Variants in RPS6KA2 observed in about 807,000 individuals in gnomAD.
RPS6KA2 encodes ribosomal protein S6 kinase alpha-2.
RPS6KA2 carries 42 observed loss-of-function variants against 91.8 expected under a neutral mutation model. The observed-to-expected ratio is 0.46, with a 90% CI of 0.36 to 0.59. The LOEUF is 0.59. Among genes scored for constraint, RPS6KA2 ranks in the 20% least tolerant of loss-of-function variants. The probability of loss-of-function intolerance (pLI) is 0.00; values close to 1 mark genes in which losing one functional copy is unlikely to be tolerated. For missense variants in RPS6KA2, 798 were observed against 978.5 expected, an observed-to-expected ratio of 0.82 and a Z score of 2.46; for synonymous variants, 414 against 393.6, an observed-to-expected ratio of 1.05 and a Z score of -0.61.
intron 2 of RPS6KA2, among the ~76,000 whole-genome samples, chr6:166,759,889 G>A (rs1034307173): frequency 6.6e-6 from 1 of 152,206 alleles, no homozygotes; most frequent in East Asian, 1.9e-4. Flanking sequence ...TTTGTGCTTG[G>A]TGAAGCCCTA....
At chr6:166,474,016 G>A (rs1184397679) in intron 10 of RPS6KA2, among the ~76,000 whole-genome samples, 1 of 142,314 alleles carries the variant, frequency 7.0e-6, no homozygotes, top group Admixed American at 7.6e-5. Flanking sequence ...GGAGTCGCTC[G>A]TGTCCCACAG....
chr6:166,691,339 C>T (rs558431868), intron 2 of RPS6KA2, among the ~76,000 whole-genome samples: 6 of 152,242 alleles, frequency 3.9e-5, no homozygotes, highest in Admixed American at 6.5e-5. Context: ...ACCTTCAAAA[C>T]GATTTCCTGC....
chr6:166,745,954 G>A (rs923768255), intron 2 of RPS6KA2, among the ~76,000 whole-genome samples: 10 of 152,236 alleles, frequency 6.6e-5, no homozygotes, highest in African/African-American at 1.9e-4. Context: ...GTTGCCCAGT[G>A]AGGACATGAG....
chr6:166,710,425 AGTGT>A (rs374185222), intron 2 of RPS6KA2, among the ~76,000 whole-genome samples: 3 of 150,864 alleles, frequency 2.0e-5, no homozygotes, highest in African/African-American at 7.3e-5. Flanking sequence ...TGCATGCACG[AGTGT>A]GTGTGTGTAT....
At chr6:166,499,608 G>C (rs921616889) in intron 7 of RPS6KA2, among the ~76,000 whole-genome samples, 4 of 152,174 alleles carry the variant, frequency 2.6e-5, no homozygotes, top group Non-Finnish European at 5.9e-5. Flanking sequence ...CTCTCTCTTT[G>C]CCTGCTGCCA....
At chr6:166,634,042 G>A (rs12199983) in intron 2 of RPS6KA2, among the ~76,000 whole-genome samples, 17,560 of 152,190 alleles carry the variant, frequency 0.12, 1,205 homozygotes, top group Non-Finnish European at 0.16. Context: ...GGCAGAGTGT[G>A]GGCTCAGGGC....
intron 2 of RPS6KA2, among the ~76,000 whole-genome samples, chr6:166,647,810 ACACATGCTCACACACATG>A (rs1297001034): frequency 1.5e-5 from 2 of 132,900 alleles, no homozygotes; most frequent in Non-Finnish European, 3.5e-5. Flanking sequence ...ACATACATAC[ACACATGCTCACACACATG>A]CACATGCTCA....
At chr6:166,812,935 T>C (rs1379321007) in intron 2 of RPS6KA2, among the ~76,000 whole-genome samples, 6 of 152,222 alleles carry the variant, frequency 3.9e-5, no homozygotes, top group Non-Finnish European at 2.9e-5. Flanking sequence ...CAGCTCTCAC[T>C]GAAAATAATG....
intron 2 of RPS6KA2, among the ~76,000 whole-genome samples, chr6:166,750,320 C>T (rs370383531): frequency 1.3e-5 from 2 of 152,140 alleles, no homozygotes; most frequent in African/African-American, 4.8e-5. Flanking sequence ...CCTAGAGGTC[C>T]CTGGGATTCC....
chr6:166,815,543 T>G (rs1779739626), intron 2 of RPS6KA2, among the ~76,000 whole-genome samples: 1 of 152,158 alleles, frequency 6.6e-6, no homozygotes, highest in Non-Finnish European at 1.5e-5. Context: ...GCCTGTAACT[T>G]AAGACCTACA....
chr6:166,513,110 C>T (rs987487909), intron 3 of RPS6KA2, among the ~76,000 whole-genome samples: 2 of 152,166 alleles, frequency 1.3e-5, no homozygotes, highest in African/African-American at 4.8e-5. Flanking sequence ...ATCTCATAAT[C>T]GTTTAAGAAA....
At chr6:166,655,216 G>A (rs1293901112) in intron 2 of RPS6KA2, among the ~76,000 whole-genome samples, 1 of 152,146 alleles carries the variant, frequency 6.6e-6, no homozygotes, top group Non-Finnish European at 1.5e-5. Flanking sequence ...TCGGATCATA[G>A]TAATTAATGA....
At chr6:166,512,413 T>C (rs1782503817) in intron 3 of RPS6KA2, among the ~76,000 whole-genome samples, 1 of 152,242 alleles carries the variant, frequency 6.6e-6, no homozygotes, top group Admixed American at 6.5e-5. Context: ...TTGATGTCAC[T>C]GAACTGTTCA....
At position 166,585,630 on chromosome 6, in the gene RPS6KA2, C is replaced by CA. The variant is rs757455295; in HGVS notation, c.99+41290dup. On this transcript the variant is annotated intron_variant, in intron 1 of 20. Transcript: ENST00000265678. ...AAGTACCATAGTCACTTAACAAATG[C>CA]AAAAAAAAAAAAAAGCAATTGTTTT... Among the ~76,000 whole-genome samples the CA allele has an allele frequency of 4.2e-3, 133 of 31,966 alleles. 1 individual carries two copies. Among genetic ancestry groups the CA allele is most frequent in the South Asian group, 0.017 (17 of 972 alleles). 21.0% of individuals were successfully genotyped at this position (31,966 alleles called of 152,430 possible). A position where few individuals can be genotyped will look rare whatever the true frequency, so the allele number is the denominator to read the frequency against.
intron 2 of RPS6KA2, among the ~76,000 whole-genome samples, chr6:166,667,665 G>T (rs9366041): frequency 0.19 from 28,675 of 152,094 alleles, 2,744 homozygotes; most frequent in South Asian, 0.23. Context: ...TGTGCACCCC[G>T]ACCCCCTGCA....
intron 1 of RPS6KA2, among the ~76,000 whole-genome samples, chr6:166,616,184 T>C (rs2077415371): frequency 6.6e-6 from 1 of 152,138 alleles, no homozygotes; most frequent in Non-Finnish European, 1.5e-5. Flanking sequence ...TTATTACGGG[T>C]CAGACCCTGT....
rs536547103 is a variant in RPS6KA2 at position 166,432,887 on chromosome 6, C to G, written c.1333-397G>C. On this transcript the variant is annotated intron_variant, in intron 14 of 20. Transcript: ENST00000265678. Reference sequence around the variant, plus strand: ...GTGTGTGCCTGTAATCCCAGCTACTCAGGAGGCTGAGGCATGAGAATCACT... The same window carrying G: ...GTGTGTGCCTGTAATCCCAGCTACTGAGGAGGCTGAGGCATGAGAATCACT... Among the ~76,000 whole-genome samples the G allele has an allele frequency of 2.6e-5, 4 of 151,130 alleles. No individual in the cohort carries two copies. The South Asian group carries it at 8.3e-4, about 32-fold the overall frequency.
chr6:166,598,332 C>T (rs1176400621), intron 1 of RPS6KA2, among the ~76,000 whole-genome samples: 1 of 152,192 alleles, frequency 6.6e-6, no homozygotes, highest in Non-Finnish European at 1.5e-5. Context: ...GCAATGGGGG[C>T]AGACAGACCA....
chr6:166,633,864 T>G (rs1203922145), intron 2 of RPS6KA2, among the ~76,000 whole-genome samples: 1 of 151,990 alleles, frequency 6.6e-6, no homozygotes, highest in East Asian at 1.9e-4. Flanking sequence ...ATACTATGAG[T>G]CAGCGGAACG....
Sources: gnomAD v4.1 joint callset for allele counts (sites outside exome capture counted in the v4.1 genomes callset) on GRCh38, gnomAD v4.1.1 for gene constraint, MANE v1.5 for transcripts, NCBI Gene and HGNC (gene_info 2026-07-23, HGNC 2026-07-21) for gene names.